FNDC3B: variants seen among roughly 807,000 people sequenced by gnomAD.
FNDC3B encodes the protein fibronectin type III domain containing 3B.
Under a neutral mutation model 151.5 loss-of-function variants are expected in FNDC3B, and 12 were observed. The ratio of observed to expected loss-of-function variants is 0.08; its 90% CI spans 0.05 to 0.13. The LOEUF (loss-of-function observed/expected upper bound fraction) is 0.13. Among genes scored for constraint, FNDC3B ranks in the 10% least tolerant of loss-of-function variants. The pLI, the probability that FNDC3B is intolerant of heterozygous loss-of-function variation, is 1.00. For synonymous variants in FNDC3B, 528 were observed against 549.0 expected (o/e 0.96, Z 0.54); for missense variants, 1,214 against 1,505.3 (o/e 0.81, Z 3.20).
chr3:172,061,371 T>G (rs1204238974), intron 1 of FNDC3B, among the ~76,000 whole-genome samples: 1 of 152,056 alleles, frequency 6.6e-6, no homozygotes, highest in Non-Finnish European at 1.5e-5. Flanking sequence ...TAGCTGGGAT[T>G]ACAGGTGCCC....
chr3:172,389,814 C>A lies in FNDC3B; in HGVS notation c.3304-7350C>A, dbSNP rs1010243742. 1.7e-4 allele frequency among the ~76,000 whole-genome samples: 26 copies of A among 152,130 alleles called. No homozygotes were observed. The Middle Eastern group carries it at 0.01, about 60-fold the overall frequency. On this transcript the variant is annotated intron_variant, in intron 25 of 25. Transcript: ENST00000415807. ...CTGGGAGGCGGAGCTTGCAGTGAGC[C>A]AAGATCAAGCCACTGCACTCCAGCC...
chr3:172,142,691 A>T (rs180872946), intron 3 of FNDC3B, among the ~76,000 whole-genome samples: 181 of 152,356 alleles, frequency 1.2e-3, no homozygotes, highest in African/African-American at 3.9e-3. Context: ...TCATCTTTGT[A>T]TCCCAGAGCC....
At chr3:172,271,459 A>C (rs1004702783) in intron 6 of FNDC3B, among the ~76,000 whole-genome samples, 3 of 152,150 alleles carry the variant, frequency 2.0e-5, no homozygotes, top group Non-Finnish European at 2.9e-5. Flanking sequence ...AAATGGTATC[A>C]TAACTTTAAT....
At chr3:172,368,048 C>T (rs1326053173) in intron 23 of FNDC3B, among the ~76,000 whole-genome samples, 1 of 152,104 alleles carries the variant, frequency 6.6e-6, no homozygotes, top group African/African-American at 2.4e-5. Context: ...AGAATACACA[C>T]TAGGCAACTA....
chr3:172,261,327 A>T (rs1010137900), intron 6 of FNDC3B, among the ~76,000 whole-genome samples: 1 of 152,168 alleles, frequency 6.6e-6, no homozygotes, highest in South Asian at 2.1e-4. Context: ...TCCTGCTGCT[A>T]TGTCAACATC....
intron 6 of FNDC3B, among the ~76,000 whole-genome samples, chr3:172,253,025 A>G (rs1218368996): frequency 1.3e-5 from 2 of 152,232 alleles, no homozygotes; most frequent in Non-Finnish European, 2.9e-5. Flanking sequence ...ACTAAAAAAA[A>G]TTATGAATAG....
chr3:172,120,824 C>T (rs932224974), intron 2 of FNDC3B, among the ~76,000 whole-genome samples: 1 of 152,034 alleles, frequency 6.6e-6, no homozygotes, highest in Non-Finnish European at 1.5e-5. Flanking sequence ...AATTGCCGGG[C>T]GTGATGCTGC....
intron 6 of FNDC3B, among the ~76,000 whole-genome samples, chr3:172,275,122 G>T (rs10513699): frequency 0.06 from 9,098 of 152,180 alleles, 300 homozygotes; most frequent in East Asian, 0.14. Context: ...CTGTTGTCTA[G>T]GGTTTATACA....
chr3:172,087,077 C>A (rs1718584508), intron 1 of FNDC3B, among the ~76,000 whole-genome samples: 1 of 152,178 alleles, frequency 6.6e-6, no homozygotes, highest in South Asian at 2.1e-4. Context: ...AAGGAAGTGG[C>A]ATGCTCAAAA....
intron 3 of FNDC3B, among the ~76,000 whole-genome samples, chr3:172,215,803 T>C (rs2108722015): frequency 6.6e-6 from 1 of 152,338 alleles, no homozygotes; most frequent in East Asian, 1.9e-4. Context: ...TTCTGATTCT[T>C]TTCTCTACAA....
At chr3:172,217,755 T>C (rs951750024) in intron 3 of FNDC3B, among the ~76,000 whole-genome samples, 5 of 152,172 alleles carry the variant, frequency 3.3e-5, no homozygotes, top group Non-Finnish European at 7.3e-5. Context: ...AAGAAGCTTG[T>C]CTTATGTGAG....
intron 3 of FNDC3B, among the ~76,000 whole-genome samples, chr3:172,173,647 T>A (rs558254776): frequency 0.015 from 2,263 of 146,388 alleles, 35 homozygotes; most frequent in Non-Finnish European, 0.02. Flanking sequence ...AAAAAAAAAA[T>A]TAAAAAAATT....
chr3:172,184,832 TC>T (rs1210298596), intron 3 of FNDC3B, among the ~76,000 whole-genome samples: 1 of 152,178 alleles, frequency 6.6e-6, no homozygotes, highest in Non-Finnish European at 1.5e-5. Flanking sequence ...GGAGCAAGAA[TC>T]CCTAGGAATA....
At chr3:172,286,708 G>C (rs1379464868) in intron 7 of FNDC3B, among the ~76,000 whole-genome samples, 1 of 152,204 alleles carries the variant, frequency 6.6e-6, no homozygotes, top group East Asian at 1.9e-4. Context: ...TAAGGCACTT[G>C]TAGAGGAGTG....
chr3:172,278,623 C>T (rs1007758108), intron 6 of FNDC3B, among the ~76,000 whole-genome samples: 1 of 152,070 alleles, frequency 6.6e-6, no homozygotes, highest in Non-Finnish European at 1.5e-5. Flanking sequence ...ATTTGATGTT[C>T]TTAAAAACAC....
chr3:172,187,910 G>T (rs766179120), intron 3 of FNDC3B, among the ~76,000 whole-genome samples: 1 of 152,002 alleles, frequency 6.6e-6, no homozygotes, highest in Non-Finnish European at 1.5e-5. Flanking sequence ...ATAAGCCGCG[G>T]CCCAGCCTGT....
chr3:172,100,595 A>G (rs1309391832), intron 1 of FNDC3B, among the ~76,000 whole-genome samples: 1 of 152,214 alleles, frequency 6.6e-6, no homozygotes, highest in Non-Finnish European at 1.5e-5. Flanking sequence ...AATCTGAAAT[A>G]GTAAATAGAT....
intron 1 of FNDC3B, among the ~76,000 whole-genome samples, chr3:172,090,141 G>T (rs1337359278): frequency 6.6e-6 from 1 of 152,186 alleles, no homozygotes; most frequent in Admixed American, 6.5e-5. Flanking sequence ...CAGAGACTTT[G>T]TCTTTTTCTC....
chr3:172,397,278 G>A lies in FNDC3B; in HGVS notation c.3418G>A (p.Gly1140Arg). 1 of 1,614,192 alleles carries A rather than the reference G, an allele frequency of 6.2e-7. No homozygotes were observed. The highest frequency in any genetic ancestry group is 8.5e-7 in the Non-Finnish European group (1 of 1,180,028). ...RCLDTSQELS[G>R]AFSPSAAFVL... ...TTTAGACACCTCTCAGGAGCTAAGC[G>A]GAGCCTTCAGCCCCTCTGCGGCTTT... Residue 1140 changes from glycine (G) to arginine (R), a missense_variant, in exon 26 of 26, where the codon GGA becomes AGA. Gly to Arg is a moderately radical substitution (Grantham distance 125, BLOSUM62 -2). This residue lies in a region of FNDC3B where 284 missense variants were observed against 392.4 expected (regional missense o/e 0.72). Transcript: ENST00000415807.
Sources: allele counts gnomAD v4.1 joint callset (sites outside exome capture counted in the v4.1 genomes callset), GRCh38; gene constraint gnomAD v4.1.1; regional missense constraint gnomAD v4.1.1; transcripts MANE v1.5; gene names NCBI Gene and HGNC (gene_info 2026-07-23, HGNC 2026-07-21).